Variants in PLCB1 observed in about 807,000 individuals in gnomAD.
The protein encoded by PLCB1 is 1-phosphatidylinositol 4,5-bisphosphate phosphodiesterase beta-1.
A neutral mutation model predicts 161.8 loss-of-function variants in PLCB1; 46 were observed. The observed-to-expected ratio is 0.28, with a 90% CI of 0.22 to 0.36. The LOEUF is 0.36. Among genes scored for constraint, PLCB1 ranks in the 10% least tolerant of loss-of-function variants. The pLI is 1.00. For synonymous variants in PLCB1, 517 were observed against 503.7 expected (o/e 1.03, Z -0.35); for missense variants, 1,016 against 1,472.5 (o/e 0.69, Z 5.07).
At chr20:8,455,157 C>T (rs768942663) in intron 3 of PLCB1, among the ~76,000 whole-genome samples, 3 of 151,682 alleles carry the variant, frequency 2.0e-5, no homozygotes, top group African/African-American at 7.3e-5. Context: ...GGAGGAACAC[C>T]GTCTCTACTA....
intron 2 of PLCB1, among the ~76,000 whole-genome samples, chr20:8,236,400 G>A (rs898571877): frequency 2.6e-5 from 4 of 152,002 alleles, no homozygotes; most frequent in Admixed American, 2.6e-4. Flanking sequence ...ATGGGTAGTG[G>A]TGCCTGCCTG....
At chr20:8,443,885 C>T (rs1202179093) in intron 3 of PLCB1, among the ~76,000 whole-genome samples, 2 of 152,160 alleles carry the variant, frequency 1.3e-5, no homozygotes, top group East Asian at 3.9e-4. Flanking sequence ...GTCCAGGGGT[C>T]ACAATAGCAC....
intron 2 of PLCB1, among the ~76,000 whole-genome samples, chr20:8,331,965 A>G (rs569926560): frequency 6.6e-6 from 1 of 152,322 alleles, no homozygotes; most frequent in South Asian, 2.1e-4. Context: ...GTCCCATTTA[A>G]CCATGGACTT....
At chr20:8,151,754 G>C (rs1299456261) in intron 2 of PLCB1, among the ~76,000 whole-genome samples, 1 of 152,068 alleles carries the variant, frequency 6.6e-6, no homozygotes, top group African/African-American at 2.4e-5. Flanking sequence ...ATAATGCCTA[G>C]AGCATTTCTA....
At position 8,882,131 on chromosome 20, in the gene PLCB1, A is replaced by G. The variant is rs981190652; in HGVS notation, c.*282A>G. 3 of 347,744 alleles carry G rather than the reference A, an allele frequency of 8.6e-6. No homozygotes were observed. Among genetic ancestry groups the G allele is most frequent in the Non-Finnish European group, 1.6e-5 (3 of 190,444 alleles). 21.5% of individuals were successfully genotyped at this position (347,744 alleles called of 1,614,324 possible). A position where few individuals can be genotyped will look rare whatever the true frequency, so the allele number is the denominator to read the frequency against. On this transcript the variant is annotated 3_prime_UTR_variant, in exon 32 of 32. Coordinates refer to ENST00000338037, the MANE Select transcript of PLCB1 (RefSeq NM_015192.4). ...TCAAAGCAAGCAACTTGCAGGCTCC[A>G]TGGAACTTTTAATGAAGGACAGTGT...
chr20:8,145,805 C>T (rs74379651), intron 1 of PLCB1, among the ~76,000 whole-genome samples: 19 of 152,298 alleles, frequency 1.2e-4, no homozygotes, highest in Admixed American at 5.2e-4. Context: ...GGAATTAATA[C>T]GAATACTATA....
chr20:8,665,477 G>A (rs536302364), intron 9 of PLCB1, among the ~76,000 whole-genome samples: 1 of 152,184 alleles, frequency 6.6e-6, no homozygotes, highest in South Asian at 2.1e-4. Flanking sequence ...TCATCTAACA[G>A]CCTTATTTAA....
chr20:8,569,043 G>T (rs1271517981), intron 3 of PLCB1, among the ~76,000 whole-genome samples: 2 of 152,184 alleles, frequency 1.3e-5, no homozygotes, highest in African/African-American at 4.8e-5. Context: ...CCACCAACAG[G>T]TTTTGATTGA....
intron 9 of PLCB1, among the ~76,000 whole-genome samples, chr20:8,681,118 AT>A (rs200888093): frequency 0.014 from 1,422 of 103,358 alleles, 59 homozygotes; most frequent in African/African-American, 0.069. Flanking sequence ...ATATATATAT[AT>A]AATATATATA....
At chr20:8,737,646 A>G (rs1321747722) in intron 20 of PLCB1, among the ~76,000 whole-genome samples, 2 of 152,168 alleles carry the variant, frequency 1.3e-5, no homozygotes, top group Non-Finnish European at 2.9e-5. Flanking sequence ...CTATCTAATA[A>G]AGTTGAAACC....
intron 2 of PLCB1, among the ~76,000 whole-genome samples, chr20:8,185,771 T>C (rs1200681111): frequency 6.6e-6 from 1 of 152,156 alleles, no homozygotes; most frequent in South Asian, 2.1e-4. Context: ...AGTGGATTCA[T>C]TCTGAACAGC....
At chr20:8,817,896 GCAAA>G (rs1289653676) in intron 31 of PLCB1, among the ~76,000 whole-genome samples, 4 of 152,136 alleles carry the variant, frequency 2.6e-5, no homozygotes, top group Admixed American at 1.3e-4. Flanking sequence ...AAGCACATTT[GCAAA>G]CAAACAAATT....
intron 2 of PLCB1, among the ~76,000 whole-genome samples, chr20:8,291,443 G>A (rs1983379115): frequency 6.6e-6 from 1 of 152,122 alleles, no homozygotes; most frequent in Admixed American, 6.6e-5. Flanking sequence ...TTCTGTTATT[G>A]CCACCATGAA....
chr20:8,178,698 A>T (rs2123083902), intron 2 of PLCB1, among the ~76,000 whole-genome samples: 1 of 152,304 alleles, frequency 6.6e-6, no homozygotes, highest in South Asian at 2.1e-4. Flanking sequence ...TTCGACACAA[A>T]ATTGTTGCCA....
At chr20:8,304,107 C>T (rs1196326515) in intron 2 of PLCB1, among the ~76,000 whole-genome samples, 1 of 152,168 alleles carries the variant, frequency 6.6e-6, no homozygotes, top group Non-Finnish European at 1.5e-5. Context: ...AACAGTAAGT[C>T]CTGGCCCAGT....
chr20:8,140,392 C>G (rs1475288732), intron 1 of PLCB1, among the ~76,000 whole-genome samples: 1 of 152,202 alleles, frequency 6.6e-6, no homozygotes, highest in Non-Finnish European at 1.5e-5. Flanking sequence ...TCACAGCTTT[C>G]AGTCCTAAAT....
intron 2 of PLCB1, among the ~76,000 whole-genome samples, chr20:8,262,646 G>A (rs1424404297): frequency 6.6e-6 from 1 of 152,174 alleles, no homozygotes; most frequent in Non-Finnish European, 1.5e-5. Context: ...CCCAAAATTT[G>A]AGCTCTCTTT....
intron 3 of PLCB1, among the ~76,000 whole-genome samples, chr20:8,520,377 A>G (rs1450152414): frequency 6.6e-6 from 1 of 152,210 alleles, no homozygotes; most frequent in African/African-American, 2.4e-5. Context: ...GATATATCAT[A>G]GAAATCTATA....
intron 3 of PLCB1, among the ~76,000 whole-genome samples, chr20:8,375,767 T>TG (rs1220421582): frequency 1.3e-5 from 2 of 152,044 alleles, no homozygotes; most frequent in Non-Finnish European, 2.9e-5. Flanking sequence ...ATCTATGAAA[T>TG]GGGGCATGGG....
Sources: allele counts gnomAD v4.1 joint callset (sites outside exome capture counted in the v4.1 genomes callset), GRCh38; gene constraint gnomAD v4.1.1; transcripts MANE v1.5; gene names NCBI Gene and HGNC (gene_info 2026-07-23, HGNC 2026-07-21).